The following NADK2 variants were observed in gnomAD, a reference collection of about 807,000 sequenced individuals.
NADK2 encodes the protein NAD kinase domain-containing protein 1, mitochondrial.
Under a neutral mutation model 62.1 loss-of-function variants are expected in NADK2, and 35 were observed. That is an observed-to-expected ratio of 0.56 (90% confidence interval 0.43 to 0.75). The LOEUF (loss-of-function observed/expected upper bound fraction) is 0.75, where lower values mean the gene tolerates loss of function less well. Among genes scored for constraint, NADK2 ranks in the 30% least tolerant of loss-of-function variants. NADK2 has a pLI of 0.00. For missense variants in NADK2, 439 were observed against 561.3 expected, an observed-to-expected ratio of 0.78 and a Z score of 2.20; for synonymous variants, 205 against 207.9, an observed-to-expected ratio of 0.99 and a Z score of 0.12.
chr5:36,201,153 T>C lies in NADK2; in HGVS notation c.965A>G (p.Asn322Ser), dbSNP rs368604790. The C allele has an allele frequency of 1.7e-5, 28 of 1,611,532 alleles. No homozygotes were observed. Among genetic ancestry groups the C allele is most frequent in the South Asian group, 7.7e-5 (7 of 90,928 alleles). The change falls in exon 9 of 12, where the codon AAT becomes AGT. Residue 322 changes from asparagine (N) to serine (S), a missense_variant. By Grantham distance (46) the Asn-to-Ser change is conservative (BLOSUM62 1). Transcript: ENST00000381937. ...AGCCTGAGTTGCAACCCTGTTAATA[T>C]TGAATGACCTAGAAACAAAAATCAC... Reference protein sequence around the residue: ...TGTGSKAWSFNINRVATQAVE... With the variant: ...TGTGSKAWSFSINRVATQAVE...
chr5:36,206,837 C>T (rs1746659252), intron 8 of NADK2, among the ~76,000 whole-genome samples: 1 of 151,708 alleles, frequency 6.6e-6, no homozygotes, highest in Non-Finnish European at 1.5e-5. Context: ...ATACAAACCT[C>T]CAGCCTACTT....
At chr5:36,199,062 GT>G (rs1386255052) in intron 10 of NADK2, among the ~76,000 whole-genome samples, 1 of 151,528 alleles carries the variant, frequency 6.6e-6, no homozygotes, top group Non-Finnish European at 1.5e-5. Flanking sequence ...GGGGTAGGGG[GT>G]GGGGGGAGGA....
rs1290925694 is a variant in NADK2 at position 36,241,542 on chromosome 5, C to T, written c.257G>A (p.Arg86Gln). The T allele has an allele frequency of 1.3e-6, 2 of 1,568,338 alleles. No individual in the cohort carries two copies. Among genetic ancestry groups the T allele is most frequent in the South Asian group, 1.1e-5 (1 of 87,610 alleles). Residue 86 changes from arginine to glutamine, a missense_variant, in exon 1 of 12, where the codon CGG becomes CAG. Arg to Gln is a conservative substitution (Grantham distance 43, BLOSUM62 1). Coordinates refer to ENST00000381937, the MANE Select transcript of NADK2 (RefSeq NM_001085411.3). This position sits in a 1 kb window ranked among gnomAD's most constrained non-coding sequence, Gnocchi z 4.9. ...CTCCGAGAGCTCCGCGTAACGGTAC[C>T]GCTGCTGCTCGAACTCGTACCGGGT... Reference protein sequence around the residue: ...KTTRYEFEQQRYRYAELSEED... With the variant: ...KTTRYEFEQQQYRYAELSEED...
rs1488859243 is a variant in NADK2 at position 36,218,965 on chromosome 5, T to A, written c.644+631A>T. Among the ~76,000 whole-genome samples the A allele has an allele frequency of 2.0e-5, 3 of 152,136 alleles. No individual in the cohort carries two copies. The South Asian group carries it at 6.2e-4, about 32-fold the overall frequency. ...TTTAATTACCTTTCCACTAAACTGA[T>A]AAGGACATGTAACGAGGTTAAGAAA... On this transcript the variant is annotated intron_variant, in intron 5 of 11. Coordinates refer to ENST00000381937, the MANE Select transcript of NADK2 (RefSeq NM_001085411.3).
At chr5:36,217,622 A>G in intron 6 of NADK2, 126 bp downstream of exon 6, 1 of 955,360 alleles carries the variant, frequency 1.0e-6, no homozygotes, top group Non-Finnish European at 1.6e-6. Context: ...GAAGTAATTC[A>G]CTGTACTTTG....
chr5:36,240,519 C>G (rs1408639301), intron 1 of NADK2, among the ~76,000 whole-genome samples: 1 of 152,144 alleles, frequency 6.6e-6, no homozygotes, highest in African/African-American at 2.4e-5. Context: ...GTGCACAGTG[C>G]CAACAATTAA....
At chr5:36,200,301 G>GA in intron 9 of NADK2, 21 bp from the exon 10 acceptor site, 1 of 1,539,940 alleles carries the variant, frequency 6.5e-7, no homozygotes, top group Non-Finnish European at 8.8e-7. Context: ...AGGAAAGGGG[G>GA]AAAATGTATG....
At chr5:36,208,788 G>T (rs1746736061) in intron 7 of NADK2, 1 of 768,434 alleles carries the variant, frequency 1.3e-6, no homozygotes, top group Non-Finnish European at 2.1e-6. Flanking sequence ...TAATATTGCT[G>T]CACTTCATAT....
chr5:36,207,445 T>TA (rs1746682616), intron 7 of NADK2, among the ~76,000 whole-genome samples, 180 bp from the exon 8 acceptor site: 2 of 110,488 alleles, frequency 1.8e-5, no homozygotes, highest in African/African-American at 3.1e-5. Context: ...TTAGAAGAAA[T>TA]TAAAAAAAAA....
intron 7 of NADK2, among the ~76,000 whole-genome samples, chr5:36,209,327 T>C (rs933638572): frequency 1.3e-5 from 2 of 152,120 alleles, no homozygotes; most frequent in African/African-American, 4.8e-5. Context: ...CCAAAATCTA[T>C]CAACTGATCC....
chr5:36,214,236 C>A (rs1329665659), intron 6 of NADK2, among the ~76,000 whole-genome samples: 1 of 152,078 alleles, frequency 6.6e-6, no homozygotes, highest in Non-Finnish European at 1.5e-5. Flanking sequence ...GGCTGGAGTG[C>A]GATGGCACAA....
intron 7 of NADK2, among the ~76,000 whole-genome samples, chr5:36,211,013 C>T (rs988817073): frequency 6.6e-6 from 1 of 152,036 alleles, no homozygotes; most frequent in African/African-American, 2.4e-5. Context: ...AAAAATAAAA[C>T]ATTAATAAAG....
chr5:36,228,653 CTGTTG>C, intron 1 of NADK2, among the ~76,000 whole-genome samples: 1 of 150,990 alleles, frequency 6.6e-6, no homozygotes, highest in Admixed American at 6.6e-5. Context: ...GGGTCTGGCT[CTGTTG>C]CCCAGGCCGG....
rs1561051208 is a variant in NADK2 at position 36,194,242 on chromosome 5, A to G, written c.*902T>C. 6.6e-6 allele frequency: 1 copy of G among 152,190 alleles called. No individual in the cohort carries two copies. The highest frequency in any genetic ancestry group is 1.5e-5 in the Non-Finnish European group (1 of 68,018). The allele number at this position is 152,190 out of a possible 1,614,324, so 9.4% of individuals were successfully genotyped here. A position where few individuals can be genotyped will look rare whatever the true frequency, so the allele number is the denominator to read the frequency against. On this transcript the variant is annotated 3_prime_UTR_variant, in exon 12 of 12. Transcript: ENST00000381937. ...ATTCCAAAACTACTGTGTTTTACAT[A>G]TTTATTAAAGAATCCATTCTTTCTG...
intron 4 of NADK2, among the ~76,000 whole-genome samples, chr5:36,223,140 A>G (rs1747338394): frequency 6.6e-6 from 1 of 152,180 alleles, no homozygotes; most frequent in Non-Finnish European, 1.5e-5. Flanking sequence ...TAAAACCAGG[A>G]AAGTTCCAAG....
chr5:36,231,868 CACA>C (rs1363579970), intron 1 of NADK2, among the ~76,000 whole-genome samples: 1 of 152,148 alleles, frequency 6.6e-6, no homozygotes, highest in African/African-American at 2.4e-5. Context: ...TGCAATGTTA[CACA>C]ACATTATTAG....
Position 36,213,618 on chromosome 5 carries a change from C to T in NADK2, c.782-1696G>A, listed in dbSNP as rs375184274. 1.9e-4 allele frequency among the ~76,000 whole-genome samples: 20 copies of T among 107,544 alleles called. 1 individual carries two copies. In the South Asian group the frequency reaches 2.7e-3, roughly 15 times the overall value. 70.6% of individuals were successfully genotyped at this position (107,544 alleles called of 152,430 possible). On this transcript the variant is annotated intron_variant, in intron 6 of 11. Transcript: ENST00000381937. ...TGATACAAAAAGCTATATATGCATG[C>T]ATATATATATATATGGATTTGATAT...
At chr5:36,216,282 T>C (rs1376170940) in intron 6 of NADK2, among the ~76,000 whole-genome samples, 2 of 148,694 alleles carry the variant, frequency 1.3e-5, no homozygotes, top group African/African-American at 4.8e-5. Flanking sequence ...AATGAGATTA[T>C]TTGTTTGTTT....
intron 3 of NADK2, among the ~76,000 whole-genome samples, chr5:36,225,973 C>A (rs1475676951): frequency 6.6e-6 from 1 of 152,176 alleles, no homozygotes; most frequent in Non-Finnish European, 1.5e-5. Flanking sequence ...TCCCATAACA[C>A]CAGTCCAAAT....
Sources: gnomAD v4.1 joint callset for allele counts (sites outside exome capture counted in the v4.1 genomes callset) on GRCh38, gnomAD v4.1.1 for gene constraint, Gnocchi (gnomAD v3.1) non-coding constraint, MANE v1.5 for transcripts, NCBI Gene and HGNC (gene_info 2026-07-23, HGNC 2026-07-21) for gene names.